Variants in DOCK11 observed in about 807,000 individuals in gnomAD.
DOCK11 encodes dedicator of cytokinesis protein 11.
A neutral mutation model predicts 169.1 loss-of-function variants in DOCK11; 70 were observed. The observed-to-expected ratio is 0.41, with a 90% CI of 0.34 to 0.51. DOCK11 has a LOEUF of 0.51. Among genes scored for constraint, DOCK11 ranks in the 20% least tolerant of loss-of-function variants. The pLI is 0.10. For missense variants in DOCK11, 1,166 were observed against 1,538.8 expected, an observed-to-expected ratio of 0.76 and a Z score of 4.05; for synonymous variants, 529 against 541.3, an observed-to-expected ratio of 0.98 and a Z score of 0.32.
intron 1 of DOCK11, among the ~76,000 whole-genome samples, chrX:118,500,067 T>A (rs959016693): frequency 1.8e-5 from 2 of 109,707 alleles, no homozygotes; most frequent in African/African-American, 6.6e-5. Context: ...TTTTTTTTTT[T>A]AGACGGAATC....
chrX:118,542,868 A>G (rs778298178), intron 2 of DOCK11, 27 bp downstream of exon 2: 8 of 1,195,503 alleles, frequency 6.7e-6, no homozygotes, highest in Non-Finnish European at 9.1e-6. Context: ...TTCTTTAAAG[A>G]AAAAAACCCC....
At chrX:118,518,542 T>C (rs2057703659) in intron 1 of DOCK11, among the ~76,000 whole-genome samples, 1 of 111,931 alleles carries the variant, frequency 8.9e-6, no homozygotes, top group African/African-American at 3.2e-5. Flanking sequence ...GACCCCCATC[T>C]CTTAAAGAAA....
intron 20 of DOCK11, among the ~76,000 whole-genome samples, chrX:118,597,071 C>A (rs1351643102): frequency 8.9e-6 from 1 of 111,998 alleles, no homozygotes; most frequent in Non-Finnish European, 1.9e-5. Context: ...ATAAATCCAC[C>A]AAAAATATTT....
chrX:118,580,205 G>A (rs773824080), intron 14 of DOCK11, 26 bp downstream of exon 14: 13 of 1,146,556 alleles, frequency 1.1e-5, no homozygotes, highest in Middle Eastern at 2.4e-4. Context: ...ATCCTGACCC[G>A]CTCACTCGTG....
chrX:118,568,406 A>G (rs1381727180), intron 10 of DOCK11, among the ~76,000 whole-genome samples: 4 of 68,660 alleles, frequency 5.8e-5, no homozygotes, highest in African/African-American at 2.9e-4. Context: ...ATATATATAT[A>G]TATATATATA....
At chrX:118,523,400 A>C (rs922712515) in intron 1 of DOCK11, among the ~76,000 whole-genome samples, 4 of 112,541 alleles carry the variant, frequency 3.6e-5, no homozygotes, top group Non-Finnish European at 5.6e-5. Context: ...TGCAGCAGGC[A>C]GTTCATGGGG....
At chrX:118,593,840 A>G (rs1165464261) in intron 20 of DOCK11, among the ~76,000 whole-genome samples, 1 of 112,510 alleles carries the variant, frequency 8.9e-6, no homozygotes, top group East Asian at 2.8e-4. Context: ...GGTAAAATGC[A>G]TATTATATGT....
intron 45 of DOCK11, among the ~76,000 whole-genome samples, chrX:118,668,126 T>C (rs1281704810): frequency 8.9e-6 from 1 of 111,946 alleles, no homozygotes; most frequent in Non-Finnish European, 1.9e-5. Flanking sequence ...TGCCTTATTG[T>C]ACTGGCTAGA....
At chrX:118,604,966 T>A (rs1603110138) in intron 23 of DOCK11, among the ~76,000 whole-genome samples, 1 of 111,505 alleles carries the variant, frequency 9.0e-6, no homozygotes, top group Non-Finnish European at 1.9e-5. Context: ...TTACCAGGAG[T>A]CAGTTGTCAA....
chrX:118,566,532 G>A, intron 8 of DOCK11, 42 bp from the exon 9 acceptor site: 1 of 1,133,578 alleles, frequency 8.8e-7, no homozygotes, highest in Non-Finnish European at 1.2e-6. Flanking sequence ...TATTAGTAAT[G>A]GTCTGTATGG....
chrX:118,600,141 T>C (rs4825592), intron 23 of DOCK11, among the ~76,000 whole-genome samples: 28,439 of 110,566 alleles, frequency 0.26, 2,689 homozygotes, highest in East Asian at 0.36. Flanking sequence ...GGCATGGTGC[T>C]TCACGCCTAT....
At chrX:118,580,228 G>T in intron 14 of DOCK11, 49 bp downstream of exon 14, 14 of 1,046,387 alleles carry the variant, frequency 1.3e-5, no homozygotes, top group Non-Finnish European at 1.4e-5. Flanking sequence ...CATATGTGAA[G>T]TTAAGGGCTG....
At chrX:118,661,792 T>C (rs939718462) in intron 44 of DOCK11, among the ~76,000 whole-genome samples, 1 of 111,777 alleles carries the variant, frequency 8.9e-6, no homozygotes, top group African/African-American at 3.3e-5. Context: ...ATGTGGCCTT[T>C]ACACCTCGAC....
chrX:118,571,603 G>T (rs1250711161), intron 10 of DOCK11, among the ~76,000 whole-genome samples: 1 of 111,294 alleles, frequency 9.0e-6, no homozygotes, highest in African/African-American at 3.3e-5. Flanking sequence ...TCCCTCCTCG[G>T]TCTACATATT....
At chrX:118,654,048 A>G (rs917795348) in intron 42 of DOCK11, among the ~76,000 whole-genome samples, 6 of 112,465 alleles carry the variant, frequency 5.3e-5, no homozygotes, top group Admixed American at 4.7e-4. Flanking sequence ...TAGTGGATGG[A>G]GTAGGCATGC....
intron 6 of DOCK11, among the ~76,000 whole-genome samples, chrX:118,554,980 T>C (rs2012632112): frequency 8.9e-6 from 1 of 111,925 alleles, no homozygotes; most frequent in Non-Finnish European, 1.9e-5. Context: ...TGTTATTTTA[T>C]ATTATTAGGA....
Position 118,676,651 on chromosome X carries a change from C to T in DOCK11, c.5374C>T (p.Leu1792Phe). Residue 1792 changes from leucine (L) to phenylalanine (F), a missense_variant, in exon 48 of 53, where the codon CTC (leucine) becomes TTC (phenylalanine). Leu to Phe is a conservative substitution (Grantham distance 22, BLOSUM62 0). Transcript: ENST00000276202. ...CTATAAAGAACCAAAGCTCACTGGC[C>T]TCTCAGAAATTTCCTTGAGACTTGT... ...YIYKEPKLTG[L>F]SEISLRLVKL... 1 of 1,203,167 alleles carries T rather than the reference C, an allele frequency of 8.3e-7. No homozygotes were observed.
At chrX:118,567,238 A>C (rs2013108238) in intron 9 of DOCK11, among the ~76,000 whole-genome samples, 1 of 111,598 alleles carries the variant, frequency 9.0e-6, no homozygotes, top group Non-Finnish European at 1.9e-5. Flanking sequence ...ATAGTAGATT[A>C]GAAGGTTGTG....
At chrX:118,598,517 C>T (rs1209887263) in intron 22 of DOCK11, among the ~76,000 whole-genome samples, 2 of 111,656 alleles carry the variant, frequency 1.8e-5, no homozygotes, top group South Asian at 3.7e-4. Context: ...TGGAAGCCAT[C>T]ATCTCCATTT....
Sources: gnomAD v4.1 joint callset for allele counts (sites outside exome capture counted in the v4.1 genomes callset) on GRCh38, gnomAD v4.1.1 for gene constraint, MANE v1.5 for transcripts, NCBI Gene and HGNC (gene_info 2026-07-23, HGNC 2026-07-21) for gene names.